Variants in FAM162B observed in about 807,000 individuals in gnomAD.
FAM162B encodes the protein protein FAM162B.
In FAM162B, 16 loss-of-function variants were observed where a neutral mutation model predicts 20.0. The ratio of observed to expected loss-of-function variants is 0.80; its 90% confidence interval spans 0.54 to 1.21. The LOEUF is 1.21. Among genes scored for constraint, FAM162B ranks in the 50% most tolerant of loss-of-function variants. The pLI is 0.00. For missense variants in FAM162B, 260 were observed against 227.5 expected (o/e 1.14, Z -0.92); for synonymous variants, 83 against 89.7 (o/e 0.93, Z 0.42).
At chr6:116,756,589 T>G (rs1304640283) in intron 3 of FAM162B, among the ~76,000 whole-genome samples, 2 of 152,244 alleles carry the variant, frequency 1.3e-5, no homozygotes, top group Non-Finnish European at 2.9e-5. Context: ...GAAGTTCTAC[T>G]GTGAGGAAAA....
chr6:116,759,444 G>A (rs1027420056), intron 3 of FAM162B, among the ~76,000 whole-genome samples: 4 of 151,396 alleles, frequency 2.6e-5, no homozygotes, highest in African/African-American at 9.7e-5. Flanking sequence ...GGGACTGCAG[G>A]CGCCCGCCAC....
In FAM162B at chr6:116,757,842, T is replaced by C. The variant is rs188178931; in HGVS notation, c.390+4135A>G. 5.9e-5 allele frequency among the ~76,000 whole-genome samples: 9 copies of C among 151,940 alleles called. No individual in the cohort carries two copies. The East Asian group carries it at 1.6e-3, about 26-fold the overall frequency. On this transcript the variant is annotated intron_variant, in intron 3 of 3. Coordinates refer to ENST00000368557, the MANE Select transcript of FAM162B (RefSeq NM_001085480.3). The stretch of plus-strand genomic sequence containing the variant: ...GAAGATGAGTGTATCATTGGTGACC[T>C]TGATAACAGCAGTTTGATGGAGCGT...
chr6:116,756,238 C>A (rs375338093), intron 3 of FAM162B, among the ~76,000 whole-genome samples: 1 of 152,060 alleles, frequency 6.6e-6, no homozygotes, highest in Non-Finnish European at 1.5e-5. Context: ...AATAGGAGTT[C>A]GGACGAAGCT....
chr6:116,765,045 C>G, intron 2 of FAM162B, 102 bp downstream of exon 2: 1 of 1,054,080 alleles, frequency 9.5e-7, no homozygotes, highest in Admixed American at 1.7e-5. Flanking sequence ...GTTGGCACTG[C>G]GGCCGCTTTC....
chr6:116,757,481 C>T (rs990338924), intron 3 of FAM162B, among the ~76,000 whole-genome samples: 25 of 152,100 alleles, frequency 1.6e-4, no homozygotes, highest in Non-Finnish European at 3.1e-4. Flanking sequence ...TGCAGTGGCT[C>T]GTGCCTGTAA....
intron 3 of FAM162B, among the ~76,000 whole-genome samples, chr6:116,759,960 C>T (rs1403590327): frequency 1.3e-5 from 2 of 152,278 alleles, no homozygotes; most frequent in Non-Finnish European, 2.9e-5. Flanking sequence ...AAAATGGCCT[C>T]TCCTGGGGTG....
Position 116,765,435 on chromosome 6 carries a change from C to T in FAM162B, c.142G>A (p.Ala48Thr). 1 of 1,447,412 alleles carries T rather than the reference C, an allele frequency of 6.9e-7. No homozygotes were observed. The highest frequency in any genetic ancestry group is 9.1e-7 in the Non-Finnish European group (1 of 1,099,568). The allele number at this position is 1,447,412 out of a possible 1,614,324, so 89.7% of individuals were successfully genotyped here. A position where few individuals can be genotyped will look rare whatever the true frequency, so the allele number is the denominator to read the frequency against. The change falls in exon 1 of 4, where the codon GCC becomes ACC. Residue 48 changes from alanine to threonine, a missense_variant. Ala to Thr is a moderately conservative substitution (Grantham distance 58). Transcript: ENST00000368557. ...CCTTGGGGCCCAGAATTGCTGGGGG[C>T]CCCGCCGCTGGAGTAGCAGGGGAGA... ...RGLPCYSSGG[A>T]PSNSGPQGHG...
intron 3 of FAM162B, among the ~76,000 whole-genome samples, chr6:116,755,251 C>A (rs1330646824): frequency 2.6e-5 from 4 of 152,200 alleles, no homozygotes; most frequent in Non-Finnish European, 5.9e-5. Context: ...AAGTACTACT[C>A]CAGTGAACAC....
intron 3 of FAM162B, among the ~76,000 whole-genome samples, chr6:116,759,206 A>G (rs1780091342): frequency 6.6e-6 from 1 of 151,382 alleles, no homozygotes; most frequent in South Asian, 2.1e-4. Context: ...GCCTTTATAT[A>G]GATATTGCAT....
chr6:116,760,868 T>G (rs1193624949), intron 3 of FAM162B, among the ~76,000 whole-genome samples: 3 of 152,122 alleles, frequency 2.0e-5, no homozygotes, highest in Admixed American at 1.3e-4. Flanking sequence ...CTTGGGCACC[T>G]GAGGAGTAAA....
chr6:116,759,914 T>C (rs1780119392), intron 3 of FAM162B, among the ~76,000 whole-genome samples: 1 of 152,166 alleles, frequency 6.6e-6, no homozygotes, highest in African/African-American at 2.4e-5. Context: ...CTTATTCTCA[T>C]CCTCCTCAGA....
intron 3 of FAM162B, among the ~76,000 whole-genome samples, chr6:116,756,373 A>G (rs1052029953): frequency 1.3e-5 from 2 of 152,222 alleles, no homozygotes; most frequent in African/African-American, 4.8e-5. Context: ...TGAAAACAAA[A>G]TTGAATTGCT....
At chr6:116,757,879 G>A (rs1780071789) in intron 3 of FAM162B, among the ~76,000 whole-genome samples, 1 of 152,152 alleles carries the variant, frequency 6.6e-6, no homozygotes, top group Non-Finnish European at 1.5e-5. Context: ...TGAGGCACGA[G>A]CCTGATCAGA....
intron 3 of FAM162B, among the ~76,000 whole-genome samples, chr6:116,760,593 A>C (rs1287690200): frequency 6.6e-6 from 1 of 152,230 alleles, no homozygotes; most frequent in African/African-American, 2.4e-5. Context: ...GCAATACACT[A>C]ATCATCAAAA....
intron 2 of FAM162B, among the ~76,000 whole-genome samples, chr6:116,762,939 T>C (rs760732761): frequency 5.3e-5 from 8 of 152,144 alleles, no homozygotes; most frequent in Non-Finnish European, 7.4e-5. Flanking sequence ...AATATATTCA[T>C]TGGTATTCTT....
chr6:116,765,518 C>T lies in FAM162B; in HGVS notation c.59G>A (p.Gly20Asp). The T allele has an allele frequency of 2.1e-6, 3 of 1,397,648 alleles. No homozygotes were observed. Among genetic ancestry groups the T allele is most frequent in the Non-Finnish European group, 2.8e-6 (3 of 1,083,660 alleles). 86.6% of individuals were successfully genotyped at this position (1,397,648 alleles called of 1,614,324 possible). The change falls in exon 1 of 4, where the codon GGC (glycine) becomes GAC (aspartate). Residue 20 changes from glycine (G) to aspartate (D), a missense_variant. Gly to Asp is a moderately conservative substitution (Grantham distance 94). Coordinates refer to ENST00000368557, the MANE Select transcript of FAM162B (RefSeq NM_001085480.3). ...RLGRGLTVRC[G>D]PGAPLEATRR... ...CGTGGCCTCGAGAGGCGCCCCGGGG[C>T]CGCAGCGGACTGTTAGCCCGCGGCC...
chr6:116,760,630 A>T (rs1033692259), intron 3 of FAM162B, among the ~76,000 whole-genome samples: 4 of 152,234 alleles, frequency 2.6e-5, no homozygotes, highest in Non-Finnish European at 5.9e-5. Context: ...AGAATCATCA[A>T]TTTGGCAGGC....
intron 3 of FAM162B, among the ~76,000 whole-genome samples, chr6:116,761,608 T>TA (rs779706141): frequency 6.8e-5 from 10 of 146,442 alleles, no homozygotes; most frequent in Admixed American, 2.8e-4. Flanking sequence ...CCAGTATTTT[T>TA]TATATATATA....
intron 3 of FAM162B, among the ~76,000 whole-genome samples, chr6:116,755,456 T>C (rs985958628): frequency 3.3e-5 from 5 of 152,160 alleles, no homozygotes; most frequent in Non-Finnish European, 7.3e-5. Flanking sequence ...AGAGGTTGGT[T>C]CATGAGGCTG....
Sources: allele counts gnomAD v4.1 joint callset (sites outside exome capture counted in the v4.1 genomes callset), GRCh38; gene constraint gnomAD v4.1.1; transcripts MANE v1.5; gene names NCBI Gene and HGNC (gene_info 2026-07-23, HGNC 2026-07-21).